The following THEMIS variants were observed in gnomAD, a reference collection of about 807,000 sequenced individuals.
THEMIS encodes the protein thymocyte selection associated, also known as protein THEMIS.
In THEMIS, 37 loss-of-function variants were observed where a neutral mutation model predicts 52.6. That is an observed-to-expected ratio of 0.70 (90% confidence interval 0.54 to 0.93). The LOEUF (loss-of-function observed/expected upper bound fraction) is 0.93. THEMIS is among the 40% of genes least tolerant of loss of function. The pLI is 0.00. For missense variants in THEMIS, 808 were observed against 763.1 expected, an observed-to-expected ratio of 1.06 and a Z score of -0.69; for synonymous variants, 292 against 272.7, an observed-to-expected ratio of 1.07 and a Z score of -0.70.
intron 2 of THEMIS, among the ~76,000 whole-genome samples, chr6:127,843,144 T>C (rs759668064): frequency 2.0e-5 from 3 of 152,028 alleles, no homozygotes; most frequent in Non-Finnish European, 1.5e-5. Flanking sequence ...CTAACATTCA[T>C]CTAAAAATTT....
chr6:127,716,439 C>G (rs1774163844), intron 5 of THEMIS, among the ~76,000 whole-genome samples: 1 of 151,898 alleles, frequency 6.6e-6, no homozygotes, highest in Non-Finnish European at 1.5e-5. Context: ...ACCATAGACC[C>G]TTCTCAGGGA....
chr6:127,747,520 A>T (rs79719691), intron 4 of THEMIS, among the ~76,000 whole-genome samples: 14,396 of 151,060 alleles, frequency 0.095, 757 homozygotes, highest in African/African-American at 0.14. Context: ...TACAAATCAG[A>T]TTGAGCAGAG....
At chr6:127,732,167 T>C (rs1774835876) in intron 4 of THEMIS, among the ~76,000 whole-genome samples, 1 of 152,116 alleles carries the variant, frequency 6.6e-6, no homozygotes, top group Admixed American at 6.5e-5. Context: ...TGTTAATCAT[T>C]ATGGTTTCAT....
At chr6:127,720,632 T>C (rs1006093161) in intron 4 of THEMIS, among the ~76,000 whole-genome samples, 4 of 152,030 alleles carry the variant, frequency 2.6e-5, no homozygotes, top group African/African-American at 4.8e-5. Context: ...GCTAGCCATG[T>C]TGGCTCACTA....
chr6:127,829,607 G>C lies in THEMIS; in HGVS notation c.578C>G (p.Pro193Arg). The C allele has an allele frequency of 6.2e-7, 1 of 1,613,964 alleles. No homozygotes were observed. Among genetic ancestry groups the C allele is most frequent in the Non-Finnish European group, 8.5e-7 (1 of 1,179,968 alleles). ...GTTTACAGTTCTTGTTCTGTTCTTA[G>C]GAATCTTCCATTCAACAATCTCCTT... ...TLKEIVEWKI[P>R]KNRTRTVNLT... The change falls in exon 3 of 6, where the codon CCT becomes CGT. Residue 193 changes from proline (P) to arginine (R), a missense_variant. Pro to Arg is a moderately radical substitution (Grantham distance 103). Coordinates refer to ENST00000368248, the MANE Select transcript of THEMIS (RefSeq NM_001010923.3).
intron 3 of THEMIS, among the ~76,000 whole-genome samples, chr6:127,821,420 TA>T (rs1483796995): frequency 6.6e-6 from 1 of 152,072 alleles, no homozygotes; most frequent in Non-Finnish European, 1.5e-5. Context: ...TAAACCAAAG[TA>T]AAAACATTAT....
chr6:127,855,310 GA>G, intron 1 of THEMIS, 122 bp from the exon 2 acceptor site: 1 of 820,672 alleles, frequency 1.2e-6, no homozygotes, highest in South Asian at 2.3e-5. Context: ...TGCTAAACAG[GA>G]ATTTAATCAA....
intron 4 of THEMIS, among the ~76,000 whole-genome samples, chr6:127,721,123 A>G (rs1447885076): frequency 2.0e-5 from 3 of 152,008 alleles, no homozygotes; most frequent in Non-Finnish European, 4.4e-5. Flanking sequence ...AGCTGGCTGC[A>G]GATTGAACAT....
At chr6:127,845,836 T>G (rs73771864) in intron 2 of THEMIS, among the ~76,000 whole-genome samples, 87 of 152,054 alleles carry the variant, frequency 5.7e-4, no homozygotes, top group African/African-American at 2.0e-3. Flanking sequence ...TAAAAAAAAT[T>G]GAAAAGTTCC....
chr6:127,746,804 T>C (rs1200294665), intron 4 of THEMIS, among the ~76,000 whole-genome samples: 9 of 39,756 alleles, frequency 2.3e-4, no homozygotes, highest in Admixed American at 5.9e-4. Flanking sequence ...TATATAATTA[T>C]ATTATATATA....
intron 4 of THEMIS, among the ~76,000 whole-genome samples, chr6:127,727,565 C>T (rs911366995): frequency 3.9e-5 from 6 of 152,030 alleles, no homozygotes; most frequent in Non-Finnish European, 8.8e-5. Context: ...TCATCTTAGC[C>T]TTCTGAGTAT....
At chr6:127,863,408 GCT>G (rs1779871599) in intron 1 of THEMIS, among the ~76,000 whole-genome samples, 1 of 152,114 alleles carries the variant, frequency 6.6e-6, no homozygotes, top group African/African-American at 2.4e-5. Context: ...CTTTTGAGCA[GCT>G]CTTACTGTTA....
At chr6:127,759,612 C>A (rs1029784541) in intron 4 of THEMIS, among the ~76,000 whole-genome samples, 2 of 152,194 alleles carry the variant, frequency 1.3e-5, no homozygotes, top group Admixed American at 6.5e-5. Context: ...ATATATTCAT[C>A]ATTGAATTAC....
chr6:127,775,175 A>G (rs1442944828), intron 4 of THEMIS, among the ~76,000 whole-genome samples: 2 of 152,142 alleles, frequency 1.3e-5, no homozygotes, highest in African/African-American at 4.8e-5. Context: ...CTCTTTAATG[A>G]CATATGTTTG....
intron 4 of THEMIS, among the ~76,000 whole-genome samples, chr6:127,759,716 G>T (rs1775950887): frequency 1.3e-5 from 2 of 151,802 alleles, no homozygotes; most frequent in Non-Finnish European, 2.9e-5. Context: ...CCTCTTCACA[G>T]GATTATTTAA....
chr6:127,856,397 A>T (rs528014518), intron 1 of THEMIS, among the ~76,000 whole-genome samples: 130 of 152,072 alleles, frequency 8.5e-4, no homozygotes, highest in Non-Finnish European at 1.5e-3. Context: ...CATAGGGGCC[A>T]TCTTTAAAAA....
intron 1 of THEMIS, among the ~76,000 whole-genome samples, chr6:127,897,186 G>T (rs1316952108): frequency 6.6e-6 from 1 of 151,026 alleles, no homozygotes; most frequent in Non-Finnish European, 1.5e-5. Context: ...TGAAGGTGAG[G>T]GTAAACAATA....
chr6:127,918,350 G>A (rs1265879769), intron 1 of THEMIS: 2 of 152,264 alleles, frequency 1.3e-5, no homozygotes, highest in South Asian at 2.1e-4. Context: ...AGAAAACCCT[G>A]AGAGTATATA....
Position 127,808,983 on chromosome 6 carries a change from T to G in THEMIS, c.1758+3900A>C, listed in dbSNP as rs546381151. Among the ~76,000 whole-genome samples the G allele has an allele frequency of 1.1e-4, 16 of 152,344 alleles. No homozygotes were observed. In the South Asian group the frequency reaches 3.3e-3, roughly 32 times the overall value. ...TGAATTTTAGATTCTTACTCTTAGA[T>G]TGCCCATACATCTGTCTGTTACTTA... is the stretch of plus-strand genomic sequence containing the variant. On this transcript the variant is annotated intron_variant, in intron 4 of 5. Coordinates refer to ENST00000368248, the MANE Select transcript of THEMIS (RefSeq NM_001010923.3).
Sources: gnomAD v4.1 joint callset for allele counts (sites outside exome capture counted in the v4.1 genomes callset) on GRCh38, gnomAD v4.1.1 for gene constraint, MANE v1.5 for transcripts, NCBI Gene and HGNC (gene_info 2026-07-23, HGNC 2026-07-21) for gene names.